Variants in RFTN2 observed in about 807,000 individuals in gnomAD.
RFTN2 encodes raftlin-2.
Under a neutral mutation model 52.7 loss-of-function variants are expected in RFTN2, and 34 were observed. That is an observed-to-expected ratio of 0.64 (90% CI 0.49 to 0.86). RFTN2 has a LOEUF of 0.86. Among genes scored for constraint, RFTN2 ranks in the 40% least tolerant of loss-of-function variants. The pLI is 0.00. For synonymous variants in RFTN2, 203 were observed against 217.7 expected (o/e 0.93, Z 0.59); for missense variants, 536 against 600.1 (o/e 0.89, Z 1.12).
At chr2:197,634,991 G>T (rs923319186) in intron 3 of RFTN2, among the ~76,000 whole-genome samples, 10 of 149,930 alleles carry the variant, frequency 6.7e-5, no homozygotes, top group Non-Finnish European at 1.0e-4. Context: ...GCGGTGTTTC[G>T]TTTTTTGTTC....
intron 5 of RFTN2, among the ~76,000 whole-genome samples, chr2:197,626,192 T>C (rs1311432950): frequency 1.3e-5 from 2 of 152,200 alleles, no homozygotes; most frequent in Admixed American, 6.5e-5. Flanking sequence ...TCCATCTAGG[T>C]GGCTCTACCA....
intron 7 of RFTN2, among the ~76,000 whole-genome samples, chr2:197,601,549 T>C (rs11900232): frequency 0.68 from 102,497 of 151,598 alleles, 34,949 homozygotes; most frequent in Middle Eastern, 0.85. Flanking sequence ...CTTTCTACAA[T>C]ACTGCATTAG....
chr2:197,629,046 G>A (rs558751876), intron 5 of RFTN2, among the ~76,000 whole-genome samples: 12 of 152,194 alleles, frequency 7.9e-5, no homozygotes, highest in African/African-American at 2.9e-4. Context: ...GCAATTCCTC[G>A]AGGATCTAGA....
chr2:197,638,892 C>A (rs2088613770), intron 3 of RFTN2, among the ~76,000 whole-genome samples: 1 of 151,484 alleles, frequency 6.6e-6, no homozygotes, highest in Admixed American at 6.6e-5. Flanking sequence ...TGTTCCTTTC[C>A]ATGTTTAGTG....
At chr2:197,653,425 G>A (rs1009635500) in intron 1 of RFTN2, among the ~76,000 whole-genome samples, 2 of 152,104 alleles carry the variant, frequency 1.3e-5, no homozygotes, top group Admixed American at 6.6e-5. Context: ...GAAGAGGCTG[G>A]CAGGTAGAAC....
Position 197,675,449 on chromosome 2 carries a change from C to T in RFTN2, c.10G>A (p.Gly4Arg), listed in dbSNP as rs772767119. The T allele has an allele frequency of 1.0e-5, 16 of 1,578,738 alleles. No individual in the cohort carries two copies. The highest frequency in any genetic ancestry group is 2.4e-5 in the South Asian group (2 of 85,040). Residue 4 changes from glycine to arginine, a missense_variant, in exon 1 of 9, where the codon GGA (glycine) becomes AGA (arginine). Physicochemically the swap from Gly to Arg is moderately radical, Grantham distance 125. Coordinates refer to ENST00000295049, the MANE Select transcript of RFTN2 (RefSeq NM_144629.3). ...TCAGGGTCTTCTAGCTTTCTAAGTC[C>T]GCACCCCATGGCAAAATCTGTAAGG... MGC[G>R]LRKLEDPDDS...
intron 7 of RFTN2, among the ~76,000 whole-genome samples, chr2:197,602,390 T>G (rs555945064): frequency 6.6e-6 from 1 of 152,060 alleles, no homozygotes; most frequent in Non-Finnish European, 1.5e-5. Flanking sequence ...ATTAAAAAAA[T>G]TTTTTTGTAG....
chr2:197,638,719 G>A (rs1186266538), intron 3 of RFTN2, among the ~76,000 whole-genome samples: 6 of 143,054 alleles, frequency 4.2e-5, no homozygotes, highest in Non-Finnish European at 4.6e-5. Flanking sequence ...TCTTTTAATT[G>A]GAGCATTTAG....
intron 5 of RFTN2, 199 bp from the exon 6 acceptor site, chr2:197,618,120 C>T: frequency 3.6e-6 from 1 of 281,374 alleles, no homozygotes; most frequent in Non-Finnish European, 6.7e-6. Context: ...TTTCCACGGT[C>T]TCCCTCTGAT....
chr2:197,628,937 T>C (rs2088414283), intron 5 of RFTN2, among the ~76,000 whole-genome samples: 1 of 152,250 alleles, frequency 6.6e-6, no homozygotes, highest in Admixed American at 6.5e-5. Context: ...GTCTGTCTGA[T>C]TCTAAAGCCC....
In RFTN2 at chr2:197,627,371, A is replaced by G. The variant is rs1280106761; in HGVS notation, c.928+3640T>C. 2.6e-5 allele frequency among the ~76,000 whole-genome samples: 4 copies of G among 152,208 alleles called. No individual in the cohort carries two copies. In the East Asian group the frequency reaches 7.7e-4, roughly 29 times the overall value. On this transcript the variant is annotated intron_variant, in intron 5 of 8. Transcript: ENST00000295049. ...GTTACACAATTTTCTTAGTTTTGAA[A>G]TTAGATATATATGTTTTGACACTTT...
At chr2:197,600,150 C>T (rs1489346368) in intron 7 of RFTN2, among the ~76,000 whole-genome samples, 1 of 152,132 alleles carries the variant, frequency 6.6e-6, no homozygotes, top group Admixed American at 6.6e-5. Context: ...TGAGCCACCT[C>T]GCCTGGCCTA....
At chr2:197,646,913 A>AAAG (rs2088760988) in intron 1 of RFTN2, among the ~76,000 whole-genome samples, 2 of 145,510 alleles carry the variant, frequency 1.4e-5, no homozygotes, top group Non-Finnish European at 3.1e-5. Flanking sequence ...AAAAAAAAAA[A>AAAG]AAAAAAACTC....
intron 8 of RFTN2, among the ~76,000 whole-genome samples, chr2:197,582,909 A>ACGG (rs1342998670): frequency 6.6e-6 from 1 of 152,074 alleles, no homozygotes; most frequent in Non-Finnish European, 1.5e-5. Flanking sequence ...TCTGTCCCTC[A>ACGG]CGGCCAGTTT....
chr2:197,637,502 C>T (rs1209239363), intron 3 of RFTN2, among the ~76,000 whole-genome samples: 2 of 152,136 alleles, frequency 1.3e-5, no homozygotes, highest in Admixed American at 6.5e-5. Context: ...TATCCATTTC[C>T]TCTAGATTTT....
chr2:197,582,560 C>G (rs972680772), intron 8 of RFTN2, among the ~76,000 whole-genome samples: 1 of 152,174 alleles, frequency 6.6e-6, no homozygotes, highest in Non-Finnish European at 1.5e-5. Flanking sequence ...TACCACTCTG[C>G]CCCCCTCCAC....
In RFTN2 at chr2:197,569,620, GA is replaced by G. The variant is rs1171894053; in HGVS notation, c.*2387del. On this transcript the variant is annotated 3_prime_UTR_variant, in exon 9 of 9. Coordinates refer to ENST00000295049, the MANE Select transcript of RFTN2 (RefSeq NM_144629.3). Reference sequence around the variant, plus strand: ...GGGAGGGGAGAAAAAAATAAACTGAGAAAGTATGCTTACACAAATTTTTTAA... The same window carrying G: ...GGGAGGGGAGAAAAAAATAAACTGAGAAGTATGCTTACACAAATTTTTTAA... 4 of 152,118 alleles carry G rather than the reference GA, an allele frequency of 2.6e-5. No homozygotes were observed. The highest frequency in any genetic ancestry group is 4.4e-5 in the Non-Finnish European group (3 of 68,008). The allele number at this position is 152,118 out of a possible 1,614,324, so 9.4% of individuals were successfully genotyped here.
Position 197,631,115 on chromosome 2 carries a change from G to T in RFTN2, c.824C>A (p.Ser275Ter), listed in dbSNP as rs764833806. The change falls in exon 5 of 9, where the codon TCA becomes TAA. Residue 275 changes from serine (S) to a stop codon, truncating the protein, a stop_gained. Transcript: ENST00000295049. LOFTEE classifies it high-confidence loss of function. ...ATCAGCATCAAGTGTACTAATGACT[G>T]ATCCTTTTCTTGTTACTTTCATTGA... ...ILSMKVTRKG[S>*]VISTLDADWL... 1 of 1,612,962 alleles carries T rather than the reference G, an allele frequency of 6.2e-7. No individual in the cohort carries two copies. The highest frequency in any genetic ancestry group is 8.5e-7 in the Non-Finnish European group (1 of 1,179,082).
At chr2:197,659,665 A>G (rs954957691) in intron 1 of RFTN2, among the ~76,000 whole-genome samples, 1 of 151,852 alleles carries the variant, frequency 6.6e-6, no homozygotes, top group African/African-American at 2.4e-5. Context: ...TAAACATACA[A>G]AATAAACCTG....
Sources: gnomAD v4.1 joint callset for allele counts (sites outside exome capture counted in the v4.1 genomes callset) on GRCh38, gnomAD v4.1.1 for gene constraint, MANE v1.5 for transcripts, NCBI Gene and HGNC (gene_info 2026-07-23, HGNC 2026-07-21) for gene names.